SLIT3: variants seen among roughly 807,000 people sequenced by gnomAD.
SLIT3 encodes the protein slit homolog 3 protein.
Under a neutral mutation model 184.0 loss-of-function variants are expected in SLIT3, and 68 were observed. The ratio of observed to expected loss-of-function variants is 0.37; its 90% CI spans 0.30 to 0.45. The LOEUF (loss-of-function observed/expected upper bound fraction) is 0.45. Among genes scored for constraint, SLIT3 ranks in the 20% least tolerant of loss-of-function variants. SLIT3 has a pLI of 1.00. For missense variants in SLIT3, 1,707 were observed against 2,026.0 expected (o/e 0.84, Z 3.02); for synonymous variants, 831 against 828.6 (o/e 1.00, Z -0.05).
intron 2 of SLIT3, among the ~76,000 whole-genome samples, chr5:169,245,911 C>T (rs1364885184): frequency 6.6e-6 from 1 of 152,130 alleles, no homozygotes; most frequent in Non-Finnish European, 1.5e-5. Context: ...ACATTCTGTC[C>T]ATCATCCTAC....
intron 4 of SLIT3, among the ~76,000 whole-genome samples, chr5:168,985,043 T>C (rs1056880384): frequency 6.6e-6 from 1 of 152,212 alleles, no homozygotes; most frequent in African/African-American, 2.4e-5. Flanking sequence ...TCTAAAATTT[T>C]CAGGCCATTT....
At chr5:168,733,734 A>T (rs969791914) in intron 20 of SLIT3, among the ~76,000 whole-genome samples, 2 of 151,918 alleles carry the variant, frequency 1.3e-5, no homozygotes, top group African/African-American at 4.8e-5. Flanking sequence ...ACCATGGCAC[A>T]TGTATACCTA....
chr5:168,922,814 A>G (rs1187324203), intron 4 of SLIT3, among the ~76,000 whole-genome samples: 1 of 152,230 alleles, frequency 6.6e-6, no homozygotes, highest in Non-Finnish European at 1.5e-5. Flanking sequence ...AAGAGGGCTC[A>G]GCTAGGGCCA....
intron 4 of SLIT3, among the ~76,000 whole-genome samples, chr5:169,076,178 T>C: frequency 6.6e-6 from 1 of 152,204 alleles, no homozygotes; most frequent in African/African-American, 2.4e-5. Context: ...AGTGAGTTGC[T>C]GGGGGATCAC....
intron 4 of SLIT3, among the ~76,000 whole-genome samples, chr5:169,143,619 C>T (rs944646611): frequency 1.3e-5 from 2 of 152,108 alleles, no homozygotes; most frequent in South Asian, 2.1e-4. Context: ...GCCAACATGG[C>T]GAAAACCCGT....
intron 1 of SLIT3, among the ~76,000 whole-genome samples, chr5:169,257,677 C>G (rs1766019091): frequency 6.6e-6 from 1 of 151,430 alleles, no homozygotes. Flanking sequence ...CTCAGCCTCC[C>G]AAGTAACTGG....
Position 168,839,684 on chromosome 5 carries a change from G to A in SLIT3, c.557+4900C>T, listed in dbSNP as rs532980947. Among the ~76,000 whole-genome samples the A allele has an allele frequency of 5.3e-5, 8 of 152,280 alleles. No individual in the cohort carries two copies. In the South Asian group the frequency reaches 1.7e-3, roughly 32 times the overall value. On this transcript the variant is annotated intron_variant, in intron 6 of 35. Transcript: ENST00000519560. ...AAGAGCCGGATCATCCCTTGTTTCT[G>A]TCACAGACAAACATTTGCCCTCCCC...
intron 23 of SLIT3, among the ~76,000 whole-genome samples, chr5:168,718,575 C>T (rs893836567): frequency 6.6e-6 from 1 of 151,994 alleles, no homozygotes; most frequent in African/African-American, 2.4e-5. Flanking sequence ...TTTTCAGATT[C>T]GGAGCCAAGT....
chr5:168,768,409 G>T (rs1419092334), intron 14 of SLIT3, among the ~76,000 whole-genome samples: 7 of 37,478 alleles, frequency 1.9e-4, no homozygotes, highest in Admixed American at 3.4e-4. Context: ...CAGCCCTGCT[G>T]CCCTTGTGCC....
At chr5:168,731,951 G>A (rs556540264) in intron 20 of SLIT3, among the ~76,000 whole-genome samples, 1 of 152,134 alleles carries the variant, frequency 6.6e-6, no homozygotes, top group East Asian at 1.9e-4. Context: ...CCTCACCAGA[G>A]CAATCAGCAA....
At chr5:168,675,017 C>A (rs1299580977) in intron 32 of SLIT3, among the ~76,000 whole-genome samples, 1 of 152,162 alleles carries the variant, frequency 6.6e-6, no homozygotes, top group Admixed American at 6.5e-5. Context: ...CCAGCTAGTA[C>A]AGGCAAGAGA....
intron 4 of SLIT3, among the ~76,000 whole-genome samples, chr5:169,166,523 C>T (rs1402032626): frequency 1.3e-5 from 2 of 151,880 alleles, no homozygotes; most frequent in African/African-American, 4.9e-5. Context: ...GGATCTTGAT[C>T]AAGTCACTTC....
At chr5:169,073,158 G>A (rs536159347) in intron 4 of SLIT3, among the ~76,000 whole-genome samples, 1 of 152,252 alleles carries the variant, frequency 6.6e-6, no homozygotes, top group East Asian at 1.9e-4. Context: ...TCTTTTCCCA[G>A]TGCCTTCCTG....
At chr5:168,722,083 A>ACT (rs111454948) in intron 23 of SLIT3, among the ~76,000 whole-genome samples, 173 bp downstream of exon 23, 7,484 of 152,158 alleles carry the variant, frequency 0.049, 195 homozygotes, top group African/African-American at 0.075. Context: ...GGAATGGCAG[A>ACT]CTCTCAAAGG....
At chr5:168,797,520 A>G (rs796376505) in intron 9 of SLIT3, among the ~76,000 whole-genome samples, 21 of 152,326 alleles carry the variant, frequency 1.4e-4, no homozygotes, top group African/African-American at 4.3e-4. Flanking sequence ...TGGGCTCTCT[A>G]TGCAGTTCCT....
intron 23 of SLIT3, among the ~76,000 whole-genome samples, chr5:168,716,607 G>C (rs1343528810): frequency 6.6e-6 from 1 of 152,254 alleles, no homozygotes; most frequent in Non-Finnish European, 1.5e-5. Flanking sequence ...TGTCTCAAAG[G>C]CCGTGGTGAG....
chr5:168,697,483 G>A (rs1023116843), intron 27 of SLIT3, among the ~76,000 whole-genome samples: 4 of 152,152 alleles, frequency 2.6e-5, no homozygotes, highest in African/African-American at 7.2e-5. Context: ...AATGAATCTC[G>A]ATCTTTCTTT....
chr5:168,700,156 G>GT (rs1335047565), intron 27 of SLIT3, among the ~76,000 whole-genome samples: 1 of 152,198 alleles, frequency 6.6e-6, no homozygotes, highest in Non-Finnish European at 1.5e-5. Context: ...CTCGCTGGTC[G>GT]TATCTCTGCT....
intron 3 of SLIT3, among the ~76,000 whole-genome samples, chr5:169,243,111 T>C (rs1361271268): frequency 6.6e-6 from 1 of 152,120 alleles, no homozygotes; most frequent in African/African-American, 2.4e-5. Context: ...CATAGGAATT[T>C]TTGTGGCAAT....
Sources: gnomAD v4.1 joint callset for allele counts (sites outside exome capture counted in the v4.1 genomes callset) on GRCh38, gnomAD v4.1.1 for gene constraint, MANE v1.5 for transcripts, NCBI Gene and HGNC (gene_info 2026-07-23, HGNC 2026-07-21) for gene names.